The following ZNF213 variants were observed in gnomAD, a reference collection of about 807,000 sequenced individuals.
The protein encoded by ZNF213 is putative transcription factor CR53.
A neutral mutation model predicts 46.0 loss-of-function variants in ZNF213; 32 were observed. The observed-to-expected ratio is 0.70, with a 90% confidence interval of 0.52 to 0.93. ZNF213 has a LOEUF of 0.93. Among genes scored for constraint, ZNF213 ranks in the 40% least tolerant of loss-of-function variants. ZNF213 has a pLI of 0.00. For synonymous variants in ZNF213, 297 were observed against 271.0 expected (o/e 1.10, Z -0.94); for missense variants, 639 against 652.8 (o/e 0.98, Z 0.23).
At position 3,142,296 on chromosome 16, in the gene ZNF213, C is replaced by T. The variant is rs139347878; in HGVS notation, c.*949C>T. The T allele has an allele frequency of 5.2e-5, 10 of 193,080 alleles. No individual in the cohort carries two copies. The highest frequency in any genetic ancestry group is 2.0e-4 in the African/African-American group (8 of 40,800). The allele number at this position is 193,080 out of a possible 1,614,324, so 12.0% of individuals were successfully genotyped here. A position where few individuals can be genotyped will look rare whatever the true frequency, so the allele number is the denominator to read the frequency against. On this transcript the variant is annotated 3_prime_UTR_variant, in exon 6 of 6. Coordinates refer to ENST00000396878, the MANE Select transcript of ZNF213 (RefSeq NM_004220.3). ...ATCGGCACTAATGCCCCACTCGGCG[C>T]CCCACTCCATCAGCACTAATGCTCC...
At position 3,141,599 on chromosome 16, in the gene ZNF213, C is replaced by T. The variant is rs1235938788; in HGVS notation, c.*252C>T. On this transcript the variant is annotated 3_prime_UTR_variant, in exon 6 of 6. Transcript: ENST00000396878. ...CCTTCTGCGCCTAGCGTTCCTCTTC[C>T]CCTCTAGTTTCCTGGAGCCCCAACA... is the stretch of plus-strand genomic sequence containing the variant. 6.0e-6 allele frequency: 3 copies of T among 496,928 alleles called. No homozygotes were observed. Among genetic ancestry groups the T allele is most frequent in the Non-Finnish European group, 1.1e-5 (3 of 284,020 alleles). 30.8% of individuals were successfully genotyped at this position (496,928 alleles called of 1,614,324 possible). A position where few individuals can be genotyped will look rare whatever the true frequency, so the allele number is the denominator to read the frequency against.
At chr16:3,139,823 A>G (rs1408618483) in intron 5 of ZNF213, 1 of 151,892 alleles carries the variant, frequency 6.6e-6, no homozygotes, top group Non-Finnish European at 1.5e-5. Flanking sequence ...AGCTCACTGA[A>G]ACTTCCACCT....
Position 3,141,226 on chromosome 16 carries a change from G to C in ZNF213, c.1259G>C (p.Arg420Pro), listed in dbSNP as rs373408618. ...FSLRSYLLDH[R>P]RVHTGERPFG... ...CTGCGCTCCTACCTGCTGGACCATC[G>C]GCGTGTGCACACCGGTGAGCGGCCC... Residue 420 changes from arginine (R) to proline (P), a missense_variant, in exon 6 of 6, where the codon CGG (arginine) becomes CCG (proline). Arg to Pro is a moderately radical substitution (Grantham distance 103, BLOSUM62 -2). Coordinates refer to ENST00000396878, the MANE Select transcript of ZNF213 (RefSeq NM_004220.3). The C allele has an allele frequency of 1.2e-6, 2 of 1,612,458 alleles. No individual in the cohort carries two copies. Among genetic ancestry groups the C allele is most frequent in the Non-Finnish European group, 1.7e-6 (2 of 1,179,920 alleles).
In ZNF213 at chr16:3,141,096, G is replaced by A. The variant is rs1258365208; in HGVS notation, c.1129G>A (p.Glu377Lys). ...GGGCGAGAAGCCCTTCTCCTGTTCC[G>A]AGTGCGGCAAGAGCTTCAGCCGCAG... ...HTGEKPFSCS[E>K]CGKSFSRSAY... is the part of the protein sequence containing the mutation. Residue 377 changes from glutamate (E) to lysine (K), a missense_variant, in exon 6 of 6, where the codon GAG becomes AAG. Transcript: ENST00000396878. The A allele has an allele frequency of 3.1e-6, 5 of 1,612,792 alleles. No individual in the cohort carries two copies. Among genetic ancestry groups the A allele is most frequent in the Non-Finnish European group, 4.2e-6 (5 of 1,179,602 alleles).
intron 1 of ZNF213, 59 bp from the exon 2 acceptor site, chr16:3,137,107 G>A (rs1234038508): frequency 4.4e-5 from 36 of 810,662 alleles, no homozygotes; most frequent in African/African-American, 1.7e-5. Flanking sequence ...TCAGCCTGGG[G>A]TTTGCTCGTG....
Position 3,137,208 on chromosome 16 carries a change from C to G in ZNF213, c.-73C>G. On this transcript the variant is annotated 5_prime_UTR_variant, in exon 2 of 6. Coordinates refer to ENST00000396878, the MANE Select transcript of ZNF213 (RefSeq NM_004220.3). The stretch of plus-strand genomic sequence containing the variant: ...CCAGCCCAGCTACCACAGGGGATCC[C>G]TCTGGGAGACTGAAAGTACAGGTTC... 6.6e-7 allele frequency: 1 copy of G among 1,514,038 alleles called. No individual in the cohort carries two copies. The highest frequency in any genetic ancestry group is 8.8e-7 in the Non-Finnish European group (1 of 1,135,896). 93.8% of individuals were successfully genotyped at this position (1,514,038 alleles called of 1,614,324 possible). A position where few individuals can be genotyped will look rare whatever the true frequency, so the allele number is the denominator to read the frequency against.
At chr16:3,135,949 C>T (rs1957531850) in intron 1 of ZNF213, among the ~76,000 whole-genome samples, 1 of 148,934 alleles carries the variant, frequency 6.7e-6, no homozygotes, top group Non-Finnish European at 1.5e-5. Flanking sequence ...AGCAATCTTT[C>T]CTCCTCAGCC....
At chr16:3,140,138 C>T (rs1423472087) in intron 5 of ZNF213, 5 of 152,310 alleles carry the variant, frequency 3.3e-5, no homozygotes, top group African/African-American at 1.2e-4. Flanking sequence ...GCCTGCAGGG[C>T]ACAGATGGCT....
Position 3,137,288 on chromosome 16 carries a change from C to T in ZNF213, c.8C>T (p.Ala3Val). The change falls in exon 2 of 6, where the codon GCC becomes GTC. Residue 3 changes from alanine (A) to valine (V), a missense_variant. Coordinates refer to ENST00000396878, the MANE Select transcript of ZNF213 (RefSeq NM_004220.3). ...GAGCCTCAGGCCAGGGGAATGGCAG[C>T]CCCCTTGGAGGCCCAGGACCAGGCC... The part of the protein sequence containing the change: MA[A>V]PLEAQDQAPG... 1 of 1,592,160 alleles carries T rather than the reference C, an allele frequency of 6.3e-7. No individual in the cohort carries two copies. Among genetic ancestry groups the T allele is most frequent in the Non-Finnish European group, 8.6e-7 (1 of 1,167,668 alleles).
intron 5 of ZNF213, 160 bp downstream of exon 5, chr16:3,139,258 G>A (rs1489679673): frequency 6.9e-6 from 8 of 1,158,510 alleles, no homozygotes; most frequent in Non-Finnish European, 3.6e-6. Context: ...ATCAGTTTTT[G>A]TGCGTTTCCA....
Position 3,142,186 on chromosome 16 carries a change from C to T in ZNF213, c.*839C>T, listed in dbSNP as rs1313905891. Reference sequence around the variant, plus strand: ...GCACTAGCACCTCACTCCATCGGCCCCGGCACCCTGCTCCATCGGCACTGG... The same window carrying T: ...GCACTAGCACCTCACTCCATCGGCCTCGGCACCCTGCTCCATCGGCACTGG... On this transcript the variant is annotated 3_prime_UTR_variant, in exon 6 of 6. Transcript: ENST00000396878. 1 of 225,040 alleles carries T rather than the reference C, an allele frequency of 4.4e-6. No homozygotes were observed. The highest frequency in any genetic ancestry group is 9.0e-6 in the Non-Finnish European group (1 of 111,158). The allele number at this position is 225,040 out of a possible 1,614,324, so 13.9% of individuals were successfully genotyped here.
intron 4 of ZNF213, 26 bp downstream of exon 4, chr16:3,138,844 T>C (rs749535391): frequency 6.2e-7 from 1 of 1,614,064 alleles, no homozygotes; most frequent in Non-Finnish European, 8.5e-7. Flanking sequence ...CTTTGTCTTC[T>C]TTAAGGCACT....
At position 3,138,491 on chromosome 16, in the gene ZNF213, T is replaced by C; in HGVS notation, c.473T>C (p.Val158Ala). 1 of 1,613,224 alleles carries C rather than the reference T, an allele frequency of 6.2e-7. No individual in the cohort carries two copies. Among genetic ancestry groups the C allele is most frequent in the Non-Finnish European group, 8.5e-7 (1 of 1,179,696 alleles). The stretch of plus-strand genomic sequence containing the variant: ...CAGGCCACGGGGCCTCCCCCGACGG[T>C]GGGGGCACGGAGGCGGCCGTCTGTT... Reference protein sequence around the residue: ...GSQATGPPPTVGARRRPSVPQ... With the variant: ...GSQATGPPPTAGARRRPSVPQ... Residue 158 changes from valine (V) to alanine (A), a missense_variant, in exon 3 of 6, where the codon GTG becomes GCG. Coordinates refer to ENST00000396878, the MANE Select transcript of ZNF213 (RefSeq NM_004220.3).
chr16:3,138,572 G>A lies in ZNF213; in HGVS notation c.523+31G>A, dbSNP rs78152001. 4.2e-3 allele frequency: 6,730 copies of A among 1,613,770 alleles called. 370 individuals carry two copies. In the East Asian group the frequency reaches 0.12, roughly 29 times the overall value. ...TAAGCCTCCGTTCTTGTGGACAGTC[G>A]AGTGGCTGGGCAGGGACCTAGCTTT... is the stretch of plus-strand genomic sequence containing the variant. On this transcript the variant is annotated intron_variant, in intron 3 of 5. Transcript: ENST00000396878.
rs1226072193 is a variant in ZNF213 at position 3,138,785 on chromosome 16, G to A, written c.564G>A (p.Glu188=). Residue 188 remains glutamate (E), a synonymous_variant, in exon 4 of 6, where the codon GAG becomes GAA. Transcript: ENST00000396878. ...PALLKEGRPG[E]TTDTCFVSGV... Reference sequence around the variant, plus strand: ...TTCTTAAAGAGGGTCGTCCCGGAGAGACGACGGACACCTGCTTTGTCTCTG... The same window carrying A: ...TTCTTAAAGAGGGTCGTCCCGGAGAAACGACGGACACCTGCTTTGTCTCTG... The A allele has an allele frequency of 5.0e-6, 8 of 1,613,974 alleles. No homozygotes were observed. In the East Asian group the frequency reaches 1.8e-4, roughly 36 times the overall value.
chr16:3,139,607 C>T (rs902854687), intron 5 of ZNF213: 2 of 160,560 alleles, frequency 1.2e-5, no homozygotes, highest in Non-Finnish European at 2.7e-5. Flanking sequence ...CAGTCACACT[C>T]CCAGGAGGAT....
intron 1 of ZNF213, 46 bp from the exon 2 acceptor site, chr16:3,137,120 T>C (rs1172327844): frequency 2.1e-6 from 2 of 932,844 alleles, no homozygotes; most frequent in Admixed American, 5.9e-5. Context: ...TGCTCGTGTA[T>C]TCCACATCCT....
chr16:3,139,372 T>A (rs1254631127), intron 5 of ZNF213: 6 of 434,146 alleles, frequency 1.4e-5, no homozygotes, highest in Non-Finnish European at 2.5e-5. Context: ...ATTGTCCCCA[T>A]TTTACGCATA....
At chr16:3,135,850 T>G (rs867481848) in intron 1 of ZNF213, among the ~76,000 whole-genome samples, 7,062 of 149,712 alleles carry the variant, frequency 0.047, 554 homozygotes, top group African/African-American at 0.16. Context: ...TTCTTTTTTT[T>G]TTTTTTTTGA....
Sources: gnomAD v4.1 joint callset for allele counts (sites outside exome capture counted in the v4.1 genomes callset) on GRCh38, gnomAD v4.1.1 for gene constraint, MANE v1.5 for transcripts, NCBI Gene and HGNC (gene_info 2026-07-23, HGNC 2026-07-21) for gene names.